ICE1: variants seen among roughly 807,000 people sequenced by gnomAD.
ICE1 encodes the protein interactor of little elongation complex ELL subunit 1, also known as little elongation complex subunit 1.
A neutral mutation model predicts 192.7 loss-of-function variants in ICE1; 64 were observed. The observed-to-expected ratio is 0.33, with a 90% CI of 0.27 to 0.41. The LOEUF is 0.41. ICE1 is among the 10% of genes least tolerant of loss of function. The pLI is 1.00. For synonymous variants in ICE1, 1,010 were observed against 984.5 expected, an observed-to-expected ratio of 1.03 and a Z score of -0.49; for missense variants, 2,708 against 2,696.0, an observed-to-expected ratio of 1.00 and a Z score of -0.10.
rs1214180376 is a variant in ICE1, at chr5:5,463,155, C to T, written c.3821C>T (p.Ser1274Phe). ...TKIRQELQTNSEDCNGKDTGS... is the reference protein window; with the variant it reads ...TKIRQELQTNFEDCNGKDTGS... Reference sequence around the variant, plus strand: ...ATTAGGCAAGAACTTCAAACAAATTCTGAAGATTGCAATGGTAAAGATACT... The same window carrying T: ...ATTAGGCAAGAACTTCAAACAAATTTTGAAGATTGCAATGGTAAAGATACT... Residue 1274 changes from serine (S) to phenylalanine (F), a missense_variant, in exon 13 of 19, where the codon TCT becomes TTT. Ser to Phe is a radical substitution (Grantham distance 155). This residue lies in a region of ICE1 where 2,366 missense variants were observed against 2,276.6 expected (regional missense o/e 1.04). Coordinates refer to ENST00000296564, the MANE Select transcript of ICE1 (RefSeq NM_015325.3). 6.2e-7 allele frequency: 1 copy of T among 1,612,238 alleles called. No individual in the cohort carries two copies. Among genetic ancestry groups the T allele is most frequent in the African/African-American group, 1.3e-5 (1 of 74,854 alleles).
chr5:5,442,659 G>A (rs546092006), intron 5 of ICE1, among the ~76,000 whole-genome samples: 12 of 152,280 alleles, frequency 7.9e-5, no homozygotes, highest in Non-Finnish European at 1.2e-4. Flanking sequence ...TCTCAGAGCT[G>A]TTGAGATTAA....
At chr5:5,436,392 G>C (rs1579541586) in intron 1 of ICE1, 26 bp from the exon 2 acceptor site, 1 of 1,399,190 alleles carries the variant, frequency 7.1e-7, no homozygotes, top group South Asian at 1.5e-5. Context: ...TGATAAAAAA[G>C]CTGACTGTGG....
chr5:5,423,983 T>A lies in ICE1; in HGVS notation c.84+984T>A, dbSNP rs138685275. 7.4e-3 allele frequency among the ~76,000 whole-genome samples: 1,122 copies of A among 152,314 alleles called. 13 individuals are homozygous for A. The highest frequency in any genetic ancestry group is 0.026 in the African/African-American group (1,064 of 41,560). ...GCTAGAGTAGTCAGGTAGGGAATTT[T>A]TGAGTCAGTAACTTTCAGATATTTG... On this transcript the variant is annotated intron_variant, in intron 1 of 18. Transcript: ENST00000296564.
At chr5:5,452,184 T>G (rs1159561582) in intron 10 of ICE1, among the ~76,000 whole-genome samples, 1 of 143,556 alleles carries the variant, frequency 7.0e-6, no homozygotes, top group Non-Finnish European at 1.5e-5. Context: ...TTTTTTTTTT[T>G]GTACTGGAGG....
chr5:5,433,773 A>T (rs1306042848), intron 1 of ICE1, among the ~76,000 whole-genome samples: 1 of 152,138 alleles, frequency 6.6e-6, no homozygotes, highest in East Asian at 1.9e-4. Context: ...TCATGATTTA[A>T]CGCTTAACAG....
At position 5,473,800 on chromosome 5, in the gene ICE1, G is replaced by C. The variant is rs976166015; in HGVS notation, c.6413+52G>C. ...AGATATGTTATTGTAAGGTTGAATT[G>C]TTGAACACTGAATTGTGGCTTGAAT... On this transcript the variant is annotated intron_variant, in intron 16 of 18. Transcript: ENST00000296564. 2.3e-6 allele frequency: 3 copies of C among 1,289,320 alleles called. No individual in the cohort carries two copies. In the African/African-American group the frequency reaches 4.6e-5, roughly 20 times the overall value. 79.9% of individuals were successfully genotyped at this position (1,289,320 alleles called of 1,614,324 possible).
chr5:5,429,794 G>A (rs1213944247), intron 1 of ICE1, among the ~76,000 whole-genome samples: 1 of 152,114 alleles, frequency 6.6e-6, no homozygotes, highest in Non-Finnish European at 1.5e-5. Context: ...AGGAAGCATG[G>A]GCATCAGCAT....
chr5:5,467,916 G>A (rs925056144), intron 14 of ICE1, among the ~76,000 whole-genome samples: 6 of 152,132 alleles, frequency 3.9e-5, no homozygotes, highest in African/African-American at 9.7e-5. Flanking sequence ...AGGCACTTAC[G>A]CAGCAGAAAC....
chr5:5,441,537 T>G (rs1232637684), intron 5 of ICE1, among the ~76,000 whole-genome samples: 1 of 152,244 alleles, frequency 6.6e-6, no homozygotes, highest in African/African-American at 2.4e-5. Context: ...TGTTTTTTGC[T>G]TAAATGTAAA....
chr5:5,465,738 A>G (rs1036951627), intron 13 of ICE1, among the ~76,000 whole-genome samples: 2 of 152,186 alleles, frequency 1.3e-5, no homozygotes, highest in African/African-American at 4.8e-5. Flanking sequence ...GACGGATCAC[A>G]CTTAGTGCTT....
At chr5:5,457,272 T>A in intron 11 of ICE1, 60 bp from the exon 12 acceptor site, 1 of 1,422,708 alleles carries the variant, frequency 7.0e-7, no homozygotes, top group Non-Finnish European at 9.4e-7. Context: ...CTTTCTTTTT[T>A]TTTTTTAAGT....
At chr5:5,435,823 A>G (rs1423120493) in intron 1 of ICE1, among the ~76,000 whole-genome samples, 1 of 151,828 alleles carries the variant, frequency 6.6e-6, no homozygotes, top group African/African-American at 2.4e-5. Context: ...GTGCCCACCA[A>G]CACACCTGGC....
chr5:5,447,145 A>G (rs1428406149), intron 7 of ICE1, among the ~76,000 whole-genome samples: 1 of 152,158 alleles, frequency 6.6e-6, no homozygotes, highest in African/African-American at 2.4e-5. Context: ...TATGCCTTGA[A>G]TTCTTCCTTA....
rs186895597 is a variant in ICE1, at chr5:5,478,440, A to T, written c.6520+2361A>T. 2.6e-4 allele frequency among the ~76,000 whole-genome samples: 40 copies of T among 152,332 alleles called. No individual in the cohort carries two copies. In the East Asian group the frequency reaches 6.2e-3, roughly 24 times the overall value. On this transcript the variant is annotated intron_variant, in intron 17 of 18. Coordinates refer to ENST00000296564, the MANE Select transcript of ICE1 (RefSeq NM_015325.3). ...ACCTCTTCAAGGAGAACTACAAACC[A>T]CTGCTCAAGGAAAAAGGACACAAAT...
intron 7 of ICE1, 55 bp from the exon 8 acceptor site, chr5:5,447,372 A>T: frequency 9.7e-7 from 1 of 1,033,862 alleles, no homozygotes; most frequent in Non-Finnish European, 1.4e-6. Flanking sequence ...CATTAACCAC[A>T]GTAGTAAAGT....
At position 5,422,876 on chromosome 5, in the gene ICE1, C is replaced by G. The variant is rs1737349420; in HGVS notation, c.-40C>G. ...ACAGGACGGGGCCGACGCCGCGGGCCCCTGAGGCGTGCGTGCCCACCGGGC... is the reference window on the plus strand; with the variant it reads ...ACAGGACGGGGCCGACGCCGCGGGCGCCTGAGGCGTGCGTGCCCACCGGGC... On this transcript the variant is annotated 5_prime_UTR_variant, in exon 1 of 19. Transcript: ENST00000296564. The G allele has an allele frequency of 7.6e-7, 1 of 1,319,686 alleles. No individual in the cohort carries two copies. Among genetic ancestry groups the G allele is most frequent in the East Asian group, 3.2e-5 (1 of 31,102 alleles). 81.7% of individuals were successfully genotyped at this position (1,319,686 alleles called of 1,614,324 possible).
intron 12 of ICE1, among the ~76,000 whole-genome samples, chr5:5,458,236 AT>A (rs1341367946): frequency 2.0e-5 from 3 of 152,144 alleles, no homozygotes; most frequent in African/African-American, 7.2e-5. Flanking sequence ...AGATGTATAT[AT>A]TTTTGGCTTA....
At chr5:5,423,035 G>C (rs1305632196) in intron 1 of ICE1, 36 bp downstream of exon 1, 2 of 1,305,196 alleles carry the variant, frequency 1.5e-6, no homozygotes, top group Non-Finnish European at 2.0e-6. Flanking sequence ...CGCGGGGGGG[G>C]ACTCGGCTCG....
intron 1 of ICE1, among the ~76,000 whole-genome samples, chr5:5,435,625 G>A (rs1541799): frequency 0.31 from 46,716 of 149,476 alleles, 7,542 homozygotes; most frequent in Non-Finnish European, 0.34. Context: ...TTTCCTTTTG[G>A]GTTGATAGCG....
Sources: allele counts gnomAD v4.1 joint callset (sites outside exome capture counted in the v4.1 genomes callset), GRCh38; gene constraint gnomAD v4.1.1; regional missense constraint gnomAD v4.1.1; transcripts MANE v1.5; gene names NCBI Gene and HGNC (gene_info 2026-07-23, HGNC 2026-07-21).